Variants in TNFRSF25 observed in about 807,000 individuals in gnomAD.
TNFRSF25 encodes TNF receptor superfamily member 25.
Under a neutral mutation model 49.4 loss-of-function variants are expected in TNFRSF25, and 28 were observed. That is an observed-to-expected ratio of 0.57 (90% CI 0.42 to 0.78). The LOEUF (loss-of-function observed/expected upper bound fraction) is 0.78. Among genes scored for constraint, TNFRSF25 ranks in the 30% least tolerant of loss-of-function variants. The pLI, the probability that TNFRSF25 is intolerant of heterozygous loss-of-function variation, is 0.00. For synonymous variants in TNFRSF25, 240 were observed against 234.2 expected (o/e 1.02, Z -0.23); for missense variants, 531 against 581.6 (o/e 0.91, Z 0.90).
chr1:6,461,060 C>CCGGGGTG lies in TNFRSF25; in HGVS notation c.*367_*373dup. On this transcript the variant is annotated 3_prime_UTR_variant, in exon 10 of 10. Coordinates refer to ENST00000356876, the MANE Select transcript of TNFRSF25 (RefSeq NM_003790.3). The surrounding 1 kb of genome is among the most constrained non-coding windows in gnomAD (Gnocchi z 6.3). ...TGGACTCCACCATGGGTGCCAGATC[C>CCGGGGTG]CGGGGTGACAAGATTCCCGTCCCCT... is the stretch of plus-strand genomic sequence containing the variant. 1 of 467,942 alleles carries CCGGGGTG rather than the reference C, an allele frequency of 2.1e-6. No individual in the cohort carries two copies. Among genetic ancestry groups the CCGGGGTG allele is most frequent in the Non-Finnish European group, 4.3e-6 (1 of 230,262 alleles). 29.0% of individuals were successfully genotyped at this position (467,942 alleles called of 1,614,324 possible). A position where few individuals can be genotyped will look rare whatever the true frequency, so the allele number is the denominator to read the frequency against.
intron 5 of TNFRSF25, chr1:6,463,376 CCT>C: frequency 3.4e-6 from 2 of 585,674 alleles, no homozygotes; most frequent in South Asian, 4.1e-5. Context: ...TATTTTGTCC[CCT>C]GTTGCATCCC....
In TNFRSF25 at chr1:6,461,634, G is replaced by A. The variant is rs1260313277; in HGVS notation, c.1054C>T (p.Arg352Cys). The A allele has an allele frequency of 6.2e-7, 1 of 1,607,736 alleles. No homozygotes were observed. Among genetic ancestry groups the A allele is most frequent in the Non-Finnish European group, 8.5e-7 (1 of 1,179,058 alleles). ...VPARRWKEFV[R>C]TLGLREAEIE... ...TCTGCCTCGCGCAGCCCCAGCGTGC[G>A]CACGAACTCCTTCCAGCGCCGCGCT... Residue 352 changes from arginine (R) to cysteine (C), a missense_variant, in exon 10 of 10, where the codon CGC becomes TGC. Physicochemically the swap from Arg to Cys is radical, Grantham distance 180 (BLOSUM62 -3). Transcript: ENST00000356876. This position sits in a 1 kb window ranked among gnomAD's most constrained non-coding sequence, Gnocchi z 6.3.
intron 5 of TNFRSF25, 105 bp from the exon 6 acceptor site, chr1:6,463,232 G>T: frequency 8.8e-7 from 1 of 1,133,068 alleles, no homozygotes; most frequent in Non-Finnish European, 1.3e-6. Context: ...TCCCTCCCCA[G>T]GCCTCTCACT....
chr1:6,464,671 C>T lies in TNFRSF25; in HGVS notation c.344G>A (p.Cys115Tyr). The T allele has an allele frequency of 6.2e-7, 1 of 1,614,040 alleles. No homozygotes were observed. The highest frequency in any genetic ancestry group is 8.5e-7 in the Non-Finnish European group (1 of 1,180,038). Reference protein sequence around the residue: ...ENCSAVADTRCGCKPGWFVEC... With the variant: ...ENCSAVADTRYGCKPGWFVEC... ...CACAAACCAGCCTGGCTTACAGCCA[C>T]AGCGGGTGTCGGCCACTGCTGAACA... Residue 115 changes from cysteine to tyrosine, a missense_variant, in exon 4 of 10, where the codon TGT becomes TAT. Coordinates refer to ENST00000356876, the MANE Select transcript of TNFRSF25 (RefSeq NM_003790.3).
chr1:6,465,379 C>T, intron 2 of TNFRSF25, 61 bp downstream of exon 2: 3 of 1,609,292 alleles, frequency 1.9e-6, no homozygotes, highest in African/African-American at 1.3e-5. Flanking sequence ...CCTCCCGGGC[C>T]TGCCCGCCAC....
In TNFRSF25 at chr1:6,461,709, T is replaced by G. The variant is rs373931314; in HGVS notation, c.979A>C (p.Met327Leu). 1.5e-5 allele frequency: 23 copies of G among 1,564,422 alleles called. No individual in the cohort carries two copies. In the South Asian group the frequency reaches 1.6e-4, roughly 11 times the overall value. The change falls in exon 10 of 10, where the codon ATG becomes CTG. Residue 327 changes from methionine (M) to leucine (L), a missense_variant. Transcript: ENST00000356876. The surrounding 1 kb of genome is among the most constrained non-coding windows in gnomAD (Gnocchi z 6.3). The part of the protein sequence containing the change: ...SPESPAGSPA[M>L]MLQPGPQLYD... ...AGCTGCGGGCCCGGCTGCAGCATCA[T>G]GGCTGGCGAGCCGGCTGGGGACTCT... is the stretch of plus-strand genomic sequence containing the variant.
At chr1:6,464,009 G>C in intron 5 of TNFRSF25, 2 of 576,424 alleles carry the variant, frequency 3.5e-6, no homozygotes, top group Non-Finnish European at 4.5e-6. Context: ...CTGTTGCCCA[G>C]GCTGAAGTGC....
Position 6,466,133 on chromosome 1 carries a change from TTCCCGGC to T in TNFRSF25, c.-33_-27del, listed in dbSNP as rs903105746. On this transcript the variant is annotated 5_prime_UTR_variant, in exon 1 of 10. Coordinates refer to ENST00000356876, the MANE Select transcript of TNFRSF25 (RefSeq NM_003790.3). Reference sequence around the variant, plus strand: ...AGCCCTCCGACGGGCGCCCAGGGGCTTCCCGGCTCCGTGCTCTCTGCCCGTCGTGGTT... The same window carrying T: ...AGCCCTCCGACGGGCGCCCAGGGGCTTCCGTGCTCTCTGCCCGTCGTGGTT... 4.7e-6 allele frequency: 7 copies of T among 1,478,932 alleles called. No individual in the cohort carries two copies. The highest frequency in any genetic ancestry group is 6.2e-6 in the Non-Finnish European group (7 of 1,122,960). 91.6% of individuals were successfully genotyped at this position (1,478,932 alleles called of 1,614,324 possible).
rs966539864 is a variant in TNFRSF25, at chr1:6,461,279, G to C, written c.*155C>G. ...CGTGCTTCTTCGCCTTGGCTGGAGC[G>C]ATAGGGGCGAGCAGGGGTGGGGCCG... On this transcript the variant is annotated 3_prime_UTR_variant, in exon 10 of 10. Transcript: ENST00000356876. The surrounding 1 kb of genome is among the most constrained non-coding windows in gnomAD (Gnocchi z 6.3). 20 of 948,796 alleles carry C rather than the reference G, an allele frequency of 2.1e-5. No individual in the cohort carries two copies. Among genetic ancestry groups the C allele is most frequent in the Non-Finnish European group, 3.3e-5 (20 of 598,524 alleles). 58.8% of individuals were successfully genotyped at this position (948,796 alleles called of 1,614,324 possible).
At chr1:6,464,154 GA>G in intron 5 of TNFRSF25, 1 of 1,412,196 alleles carries the variant, frequency 7.1e-7, no homozygotes, top group Non-Finnish European at 9.3e-7. Context: ...AATGCTGGCT[GA>G]AAGTGAAGGC....
In TNFRSF25 at chr1:6,461,350, A is replaced by G; in HGVS notation, c.*84T>C. On this transcript the variant is annotated 3_prime_UTR_variant, in exon 10 of 10. Transcript: ENST00000356876. This position sits in a 1 kb window ranked among gnomAD's most constrained non-coding sequence, Gnocchi z 6.3. ...CCGTGCCAGCGGCTTAATAAGTGAC[A>G]TAAAATGTCTACACGCATAAGTAAC... 1 of 1,452,380 alleles carries G rather than the reference A, an allele frequency of 6.9e-7. No homozygotes were observed. The highest frequency in any genetic ancestry group is 9.2e-7 in the Non-Finnish European group (1 of 1,083,812). 90.0% of individuals were successfully genotyped at this position (1,452,380 alleles called of 1,614,324 possible). A position where few individuals can be genotyped will look rare whatever the true frequency, so the allele number is the denominator to read the frequency against.
rs1483304380 is a variant in TNFRSF25 at position 6,462,283 on chromosome 1, C to T, written c.745-109G>A. On this transcript the variant is annotated intron_variant, in intron 8 of 9. Transcript: ENST00000356876. The surrounding 1 kb of genome is among the most constrained non-coding windows in gnomAD (Gnocchi z 4.2). The stretch of plus-strand genomic sequence containing the variant: ...CCCTGGTTCAGTCAGCAGACACCCC[C>T]GCAATGACACCTCCCACAGTTGGCC... The T allele has an allele frequency of 4.3e-6, 6 of 1,381,994 alleles. 1 individual carries two copies. Among genetic ancestry groups the T allele is most frequent in the South Asian group, 2.8e-5 (2 of 70,532 alleles). The allele number at this position is 1,381,994 out of a possible 1,614,324, so 85.6% of individuals were successfully genotyped here.
Position 6,463,001 on chromosome 1 carries a change from G to GC in TNFRSF25, c.599-32dup, listed in dbSNP as rs942176076. 2.6e-6 allele frequency: 4 copies of GC among 1,562,086 alleles called. No individual in the cohort carries two copies. The Admixed American group carries it at 7.7e-5, about 30-fold the overall frequency. On this transcript the variant is annotated intron_variant, in intron 6 of 9. Coordinates refer to ENST00000356876, the MANE Select transcript of TNFRSF25 (RefSeq NM_003790.3). Reference sequence around the variant, plus strand: ...AGCAGCTGGTGGGTGTTGGGTGGTTGCCCCCCTCCTCACCCGCCTCCCCTC... The same window carrying GC: ...AGCAGCTGGTGGGTGTTGGGTGGTTGCCCCCCCTCCTCACCCGCCTCCCCTC...
intron 5 of TNFRSF25, 74 bp from the exon 6 acceptor site, chr1:6,463,201 C>A: frequency 6.9e-7 from 1 of 1,447,666 alleles, no homozygotes. Context: ...TGCCCAGCAT[C>A]TGCTCCATCC....
At position 6,465,514 on chromosome 1, in the gene TNFRSF25, C is replaced by G. The variant is rs143859378; in HGVS notation, c.86G>C (p.Arg29Pro). The change falls in exon 2 of 10, where the codon CGT becomes CCT. Residue 29 changes from arginine to proline, a missense_variant. Coordinates refer to ENST00000356876, the MANE Select transcript of TNFRSF25 (RefSeq NM_003790.3). ...ACCGGCACAGTCACACCTGGGGCTA[C>G]GAGTGCCGCCCTGGGCCCGGGCCCC... ...LLGARAQGGT[R>P]SPRCDCAGDF... is the part of the protein sequence containing the mutation. 6 of 1,613,790 alleles carry G rather than the reference C, an allele frequency of 3.7e-6. No homozygotes were observed. Among genetic ancestry groups the G allele is most frequent in the Non-Finnish European group, 4.2e-6 (5 of 1,179,968 alleles).
chr1:6,464,938 C>T, intron 3 of TNFRSF25, 150 bp downstream of exon 3: 1 of 1,318,732 alleles, frequency 7.6e-7, no homozygotes, highest in South Asian at 1.4e-5. Context: ...AGAGAAGGGG[C>T]AAGGGCACCC....
At chr1:6,466,047 A>C (rs968373468) in intron 1 of TNFRSF25, 22 bp downstream of exon 1, 15 of 1,580,106 alleles carry the variant, frequency 9.5e-6, no homozygotes, top group Non-Finnish European at 1.3e-5. Context: ...AGCTGCCCCT[A>C]GCCTCCTGCG....
chr1:6,464,776 A>G (rs1644292405), intron 3 of TNFRSF25, 57 bp from the exon 4 acceptor site: 6 of 1,580,342 alleles, frequency 3.8e-6, no homozygotes, highest in Middle Eastern at 1.9e-4. Context: ...AAAGGCTCCC[A>G]TGGAGAGGCA....
rs538233200 is a variant in TNFRSF25 at position 6,461,706 on chromosome 1, T to G, written c.982A>C (p.Met328Leu). The G allele has an allele frequency of 4.5e-6, 7 of 1,567,692 alleles. No homozygotes were observed. The highest frequency in any genetic ancestry group is 2.7e-5 in the African/African-American group (2 of 74,218). The change falls in exon 10 of 10, where the codon ATG becomes CTG. Residue 328 changes from methionine (M) to leucine (L), a missense_variant. By Grantham distance (15) the Met-to-Leu change is conservative. Coordinates refer to ENST00000356876, the MANE Select transcript of TNFRSF25 (RefSeq NM_003790.3). This position sits in a 1 kb window ranked among gnomAD's most constrained non-coding sequence, Gnocchi z 6.3. ...TAGAGCTGCGGGCCCGGCTGCAGCA[T>G]CATGGCTGGCGAGCCGGCTGGGGAC... ...PESPAGSPAM[M>L]LQPGPQLYDV...
Sources: allele counts gnomAD v4.1 joint callset, GRCh38; gene constraint gnomAD v4.1.1; non-coding constraint Gnocchi (gnomAD v3.1); transcripts MANE v1.5; gene names NCBI Gene and HGNC (gene_info 2026-07-23, HGNC 2026-07-21).